DPP10: variants seen among roughly 807,000 people sequenced by gnomAD.
The protein encoded by DPP10 is dipeptidyl peptidase like 10.
DPP10 carries 33 observed loss-of-function variants against 120.9 expected under a neutral mutation model. The ratio of observed to expected loss-of-function variants is 0.27; its 90% CI spans 0.21 to 0.37. The LOEUF is 0.37. DPP10 is among the 10% of genes least tolerant of loss of function. The pLI, the probability that DPP10 is intolerant of heterozygous loss-of-function variation, is 1.00. For missense variants in DPP10, 816 were observed against 942.8 expected, an observed-to-expected ratio of 0.87 and a Z score of 1.76; for synonymous variants, 337 against 326.1, an observed-to-expected ratio of 1.03 and a Z score of -0.36.
intron 3 of DPP10, among the ~76,000 whole-genome samples, chr2:115,366,491 T>C (rs555228768): frequency 2.0e-5 from 3 of 152,250 alleles, no homozygotes; most frequent in Non-Finnish European, 4.4e-5. Flanking sequence ...ATGTATGTCT[T>C]TAAGTTAGTG....
intron 21 of DPP10, among the ~76,000 whole-genome samples, chr2:115,827,861 TGCTGGGATTACAG>T (rs61238689): frequency 0.41 from 62,244 of 151,684 alleles, 15,152 homozygotes; most frequent in East Asian, 0.67. Context: ...CCTCCCAAAG[TGCTGGGATTACAG>T]GCATGAGCCA....
chr2:115,453,156 C>A (rs1009784552), intron 3 of DPP10, among the ~76,000 whole-genome samples: 6 of 151,400 alleles, frequency 4.0e-5, no homozygotes, highest in Non-Finnish European at 4.4e-5. Flanking sequence ...TCAATTACTC[C>A]TCACTTAAGA....
At chr2:115,072,537 AGAAAATT>A (rs1707452861) in intron 1 of DPP10, among the ~76,000 whole-genome samples, 1 of 152,276 alleles carries the variant, frequency 6.6e-6, no homozygotes, top group East Asian at 1.9e-4. Flanking sequence ...ATCTATCTTC[AGAAAATT>A]GTGCTCCAGT....
chr2:115,745,290 G>A (rs571915015), intron 9 of DPP10, among the ~76,000 whole-genome samples: 4 of 150,578 alleles, frequency 2.7e-5, no homozygotes, highest in Admixed American at 1.4e-4. Flanking sequence ...TATATCTTAC[G>A]ACTGTAGTAG....
chr2:114,555,331 A>C (rs911448132), intron 1 of DPP10, among the ~76,000 whole-genome samples: 1 of 152,236 alleles, frequency 6.6e-6, no homozygotes, highest in Admixed American at 6.5e-5. Context: ...TTTCAGCAAC[A>C]GGGACTCAGC....
chr2:115,278,274 C>T (rs1216987612), intron 1 of DPP10, among the ~76,000 whole-genome samples: 4 of 152,144 alleles, frequency 2.6e-5, no homozygotes, highest in Non-Finnish European at 5.9e-5. Flanking sequence ...CACAAACTTA[C>T]AGTCTACTCA....
chr2:114,812,023 A>T (rs986729670), intron 1 of DPP10, among the ~76,000 whole-genome samples: 1 of 152,170 alleles, frequency 6.6e-6, no homozygotes, highest in Non-Finnish European at 1.5e-5. Context: ...ATTTTCCTCT[A>T]TGCGAGTTTC....
chr2:114,972,355 G>A (rs17043859), intron 1 of DPP10, among the ~76,000 whole-genome samples: 1 of 152,000 alleles, frequency 6.6e-6, no homozygotes, highest in Non-Finnish European at 1.5e-5. Context: ...TGGCCTCAGT[G>A]GTTTATAATT....
At chr2:115,294,493 C>G (rs887866107) in intron 1 of DPP10, among the ~76,000 whole-genome samples, 1 of 151,636 alleles carries the variant, frequency 6.6e-6, no homozygotes, top group Non-Finnish European at 1.5e-5. Flanking sequence ...TTGTTTTGTA[C>G]TCTCTCTTTC....
At chr2:114,924,333 G>C (rs368514626) in intron 1 of DPP10, among the ~76,000 whole-genome samples, 27 of 151,988 alleles carry the variant, frequency 1.8e-4, no homozygotes, top group Non-Finnish European at 3.2e-4. Flanking sequence ...TTGAGACCAG[G>C]CTGGGCAACA....
intron 1 of DPP10, among the ~76,000 whole-genome samples, chr2:114,808,543 CTT>C (rs71394111): frequency 5.7e-4 from 78 of 135,920 alleles, no homozygotes; most frequent in Admixed American, 5.2e-4. Flanking sequence ...CGGAATCTAA[CTT>C]TTTTTTTTTT....
At chr2:115,295,303 T>C (rs1196129101) in intron 1 of DPP10, among the ~76,000 whole-genome samples, 1 of 152,138 alleles carries the variant, frequency 6.6e-6, no homozygotes, top group African/African-American at 2.4e-5. Context: ...TGATGTGAAA[T>C]GCATACTTGC....
At chr2:114,535,648 C>A (rs1262084486) in intron 1 of DPP10, among the ~76,000 whole-genome samples, 1 of 152,188 alleles carries the variant, frequency 6.6e-6, no homozygotes, top group East Asian at 1.9e-4. Context: ...ATATCTCCTG[C>A]ATTTTTTCCT....
At chr2:114,708,942 G>C (rs1700851779) in intron 1 of DPP10, among the ~76,000 whole-genome samples, 1 of 152,110 alleles carries the variant, frequency 6.6e-6, no homozygotes, top group Admixed American at 6.5e-5. Context: ...TTTTAGTAGA[G>C]ACAGTGTTTC....
At chr2:115,350,219 T>A (rs2063938250) in intron 3 of DPP10, among the ~76,000 whole-genome samples, 1 of 152,246 alleles carries the variant, frequency 6.6e-6, no homozygotes, top group South Asian at 2.1e-4. Context: ...AGATAATATA[T>A]TAATTGAAAA....
At chr2:115,309,959 A>G (rs1188935193) in intron 2 of DPP10, among the ~76,000 whole-genome samples, 3 of 152,134 alleles carry the variant, frequency 2.0e-5, no homozygotes, top group African/African-American at 7.2e-5. Context: ...TATGGAAATT[A>G]TCATTGTGCT....
intron 1 of DPP10, among the ~76,000 whole-genome samples, chr2:114,842,311 C>A (rs1025346782): frequency 2.6e-5 from 4 of 152,100 alleles, no homozygotes; most frequent in Non-Finnish European, 4.4e-5. Flanking sequence ...GATAAAGACA[C>A]CCTGCCAGTG....
At chr2:115,001,897 G>A (rs1373193081) in intron 1 of DPP10, among the ~76,000 whole-genome samples, 2 of 152,044 alleles carry the variant, frequency 1.3e-5, no homozygotes, top group African/African-American at 4.8e-5. Flanking sequence ...CAGACAAATG[G>A]AAAAACATTC....
chr2:115,162,133 T>G, intron 1 of DPP10: 1 of 1,528,714 alleles, frequency 6.5e-7, no homozygotes, highest in Non-Finnish European at 8.8e-7. Context: ...CTCCCTCTTC[T>G]CACCCTCCCC....
Sources: gnomAD v4.1 joint callset for allele counts (sites outside exome capture counted in the v4.1 genomes callset) on GRCh38, gnomAD v4.1.1 for gene constraint, MANE v1.5 for transcripts, NCBI Gene and HGNC (gene_info 2026-07-23, HGNC 2026-07-21) for gene names.